The following ANAPC15 variants were observed in gnomAD, a reference collection of about 807,000 sequenced individuals.
ANAPC15 encodes anaphase promoting complex subunit 15, also known as anaphase-promoting complex subunit 15.
ANAPC15 carries 13 observed loss-of-function variants against 19.8 expected under a neutral mutation model. The observed-to-expected ratio is 0.66, with a 90% CI of 0.43 to 1.04. The LOEUF (loss-of-function observed/expected upper bound fraction) is 1.04, where lower values mean the gene tolerates loss of function less well. Among genes scored for constraint, ANAPC15 ranks in the 50% least tolerant of loss-of-function variants. ANAPC15 has a pLI of 0.00. For missense variants in ANAPC15, 88 were observed against 150.3 expected (o/e 0.59, Z 2.17); for synonymous variants, 45 against 50.7 (o/e 0.89, Z 0.47).
At chr11:72,108,262 CCT>C, downstream of ANAPC15, 1 of 702,374 alleles carries the variant, frequency 1.4e-6, no homozygotes, top group Non-Finnish European at 2.2e-6. Context: ...GAGCTCCTGC[CCT>C]CCTGTCCCAA....
chr11:72,107,460 G>C, downstream of ANAPC15: 1 of 702,930 alleles, frequency 1.4e-6, no homozygotes, highest in Non-Finnish European at 2.6e-6. Context: ...AGTTGGCCAG[G>C]CAGATGGCGA....
Position 72,109,737 on chromosome 11 carries a change from T to C in ANAPC15, c.*144A>G. On this transcript the variant is annotated 3_prime_UTR_variant, in exon 6 of 6. Transcript: ENST00000227618. The stretch of plus-strand genomic sequence containing the variant: ...CCTGGGAGGGGCCAAAGAGACCAGA[T>C]CCTGGCAGCAGCTGAGGAGGTGCCC... 4 of 982,586 alleles carry C rather than the reference T, an allele frequency of 4.1e-6. No individual in the cohort carries two copies. Among genetic ancestry groups the C allele is most frequent in the Non-Finnish European group, 6.3e-6 (4 of 632,374 alleles). 60.9% of individuals were successfully genotyped at this position (982,586 alleles called of 1,614,324 possible).
Position 72,111,219 on chromosome 11 carries a change from G to T in ANAPC15, c.58C>A (p.Leu20Met). 6.2e-7 allele frequency: 1 copy of T among 1,614,126 alleles called. No individual in the cohort carries two copies. The highest frequency in any genetic ancestry group is 8.5e-7 in the Non-Finnish European group (1 of 1,179,958). ...PRVTETLWFN[L>M]DRPCVEETEL... ...GTCTCTTCCACACAGGGTCGATCCAGATTAAACCACAGAGTCTCAGTCACA... is the reference window on the plus strand; with the variant it reads ...GTCTCTTCCACACAGGGTCGATCCATATTAAACCACAGAGTCTCAGTCACA... Residue 20 changes from leucine (L) to methionine (M), a missense_variant, in exon 3 of 6, where the codon CTG becomes ATG. Leu to Met is a conservative substitution (Grantham distance 15). Transcript: ENST00000227618.
At chr11:72,109,975 C>T (rs1211993101) in intron 5 of ANAPC15, 47 bp from the exon 6 acceptor site, 2 of 1,614,044 alleles carry the variant, frequency 1.2e-6, no homozygotes, top group South Asian at 1.1e-5. Context: ...CAGCCAGCCT[C>T]AGCCCCAGAT....
chr11:72,108,679 C>G (rs1945989858), downstream of ANAPC15: 4 of 1,540,720 alleles, frequency 2.6e-6, no homozygotes, highest in Non-Finnish European at 3.5e-6. Flanking sequence ...GTCGGGCAGA[C>G]CTGGTGCTCC....
downstream of ANAPC15, chr11:72,108,023 GC>G: frequency 6.4e-7 from 1 of 1,551,618 alleles, no homozygotes. Context: ...CCCGAGCCCT[GC>G]CCCCTGGGGG....
chr11:72,109,527 G>A, downstream of ANAPC15: 1 of 404,218 alleles, frequency 2.5e-6, no homozygotes, highest in Non-Finnish European at 4.7e-6. Flanking sequence ...TCTTCCTAAA[G>A]CCCAAAAGAA....
intron 1 of ANAPC15, chr11:72,112,412 A>G (rs1270015828): frequency 7.9e-6 from 2 of 252,208 alleles, no homozygotes; most frequent in African/African-American, 2.3e-5. Flanking sequence ...GGGCCTGGGT[A>G]GGACCAATTA....
intron 4 of ANAPC15, 149 bp downstream of exon 4, chr11:72,110,395 A>G: frequency 1.3e-6 from 2 of 1,511,562 alleles, no homozygotes; most frequent in East Asian, 2.3e-5. Context: ...GCTAGGCCCA[A>G]TGCCCACCCC....
chr11:72,111,348 T>A, intron 2 of ANAPC15, 62 bp from the exon 3 acceptor site: 1 of 1,332,550 alleles, frequency 7.5e-7, no homozygotes, highest in Non-Finnish European at 1.1e-6. Flanking sequence ...TGGTTGTAAT[T>A]TGATTTAGGG....
chr11:72,112,300 G>C (rs1442939830), intron 1 of ANAPC15: 1 of 156,784 alleles, frequency 6.4e-6, no homozygotes, highest in African/African-American at 2.4e-5. Flanking sequence ...CCCTTTCTTT[G>C]CTCATTACGA....
chr11:72,108,650 C>G, downstream of ANAPC15: 1 of 1,512,172 alleles, frequency 6.6e-7, no homozygotes, highest in Non-Finnish European at 8.9e-7. Flanking sequence ...CCCGTGCCTA[C>G]GCACCCAGTA....
In ANAPC15 at chr11:72,109,600, C is replaced by T; in HGVS notation, c.*281G>A. ...AATAGACATGGGTGGAAAATCACTCCTTTGTCTTTATTAAAGAAACTTAGA... is the reference window on the plus strand; with the variant it reads ...AATAGACATGGGTGGAAAATCACTCTTTTGTCTTTATTAAAGAAACTTAGA... On this transcript the variant is annotated 3_prime_UTR_variant, in exon 6 of 6. Coordinates refer to ENST00000227618, the MANE Select transcript of ANAPC15 (RefSeq NM_014042.3). The T allele has an allele frequency of 7.2e-6, 4 of 559,214 alleles. No homozygotes were observed. The highest frequency in any genetic ancestry group is 1.3e-5 in the Non-Finnish European group (4 of 311,204). 34.6% of individuals were successfully genotyped at this position (559,214 alleles called of 1,614,324 possible).
intron 5 of ANAPC15, 30 bp downstream of exon 5, chr11:72,110,058 C>CA: frequency 6.2e-7 from 1 of 1,614,174 alleles, no homozygotes; most frequent in Non-Finnish European, 8.5e-7. Context: ...GGTCCAGGAA[C>CA]AGAGGCCCTC....
rs1210636740 is a variant in ANAPC15 at position 72,110,092 on chromosome 11, T to C, written c.314A>G (p.Asn105Ser). 6.8e-6 allele frequency: 11 copies of C among 1,614,188 alleles called. No individual in the cohort carries two copies. Among genetic ancestry groups the C allele is most frequent in the South Asian group, 2.2e-5 (2 of 91,088 alleles). The change falls in exon 5 of 6, where the codon AAT (asparagine) becomes AGT (serine). Residue 105 changes from asparagine (N) to serine (S), a missense_variant. Coordinates refer to ENST00000227618, the MANE Select transcript of ANAPC15 (RefSeq NM_014042.3). Reference sequence around the variant, plus strand: ...TCCCCCATACCCCTTGCCTACCTCATTGACCTCTCCATCATCCGGTGACTC... The same window carrying C: ...TCCCCCATACCCCTTGCCTACCTCACTGACCTCTCCATCATCCGGTGACTC... ...YNESPDDGEV[N>S]EVDMEGNEQD...
At chr11:72,111,378 G>C in intron 2 of ANAPC15, 34 bp downstream of exon 2, 1 of 959,688 alleles carries the variant, frequency 1.0e-6, no homozygotes, top group Non-Finnish European at 1.6e-6. Context: ...AAGACAGCAG[G>C]AAAGCAGCCC....
chr11:72,111,209 G>C lies in ANAPC15; in HGVS notation c.68C>G (p.Pro23Arg). The change falls in exon 3 of 6, where the codon CCC becomes CGC. Residue 23 changes from proline (P) to arginine (R), a missense_variant. Pro to Arg is a moderately radical substitution (Grantham distance 103, BLOSUM62 -2). Transcript: ENST00000227618. Reference protein sequence around the residue: ...TETLWFNLDRPCVEETELQQQ... With the variant: ...TETLWFNLDRRCVEETELQQQ... ...CTGCAGCTCTGTCTCTTCCACACAG[G>C]GTCGATCCAGATTAAACCACAGAGT... 6 of 1,613,954 alleles carry C rather than the reference G, an allele frequency of 3.7e-6. No individual in the cohort carries two copies. Among genetic ancestry groups the C allele is most frequent in the Non-Finnish European group, 5.1e-6 (6 of 1,179,836 alleles).
chr11:72,107,662 A>T, downstream of ANAPC15: 1 of 619,806 alleles, frequency 1.6e-6, no homozygotes, highest in South Asian at 1.9e-5. Context: ...TGAGAATCCC[A>T]AGTTCAATCC....
chr11:72,110,635 G>A (rs199958250), intron 3 of ANAPC15, 32 bp from the exon 4 acceptor site: 1 of 1,614,036 alleles, frequency 6.2e-7, no homozygotes, highest in African/African-American at 1.3e-5. Context: ...AACAAGGCCA[G>A]AGCCCAAGTA....
Sources: gnomAD v4.1 joint callset for allele counts on GRCh38, gnomAD v4.1.1 for gene constraint, MANE v1.5 for transcripts, NCBI Gene and HGNC (gene_info 2026-07-23, HGNC 2026-07-21) for gene names.